LVRN: variants seen among roughly 807,000 people sequenced by gnomAD.
LVRN encodes the protein aminopeptidase Q.
In LVRN, 99 loss-of-function variants were observed where a neutral mutation model predicts 111.4. That is an observed-to-expected ratio of 0.89 (90% CI 0.76 to 1.05). The LOEUF (loss-of-function observed/expected upper bound fraction) is 1.05, where lower values mean the gene tolerates loss of function less well. Ranked by LOEUF, LVRN falls within the 50% of genes least tolerant of loss-of-function variation. The pLI is 0.00. For synonymous variants in LVRN, 488 were observed against 449.5 expected (o/e 1.09, Z -1.08); for missense variants, 1,414 against 1,206.8 (o/e 1.17, Z -2.54).
chr5:115,980,009 A>C (rs567531549), intron 1 of LVRN, among the ~76,000 whole-genome samples: 15 of 152,262 alleles, frequency 9.9e-5, no homozygotes, highest in African/African-American at 3.6e-4. Context: ...ATCCACTTCC[A>C]GCACAAGAAA....
chr5:115,973,601 G>T (rs1457840701), intron 1 of LVRN, among the ~76,000 whole-genome samples: 2 of 152,116 alleles, frequency 1.3e-5, no homozygotes, highest in African/African-American at 4.8e-5. Context: ...GGGCTATTTA[G>T]GTTATCTATT....
chr5:115,972,732 GT>G (rs937623095), intron 1 of LVRN, among the ~76,000 whole-genome samples: 1 of 151,412 alleles, frequency 6.6e-6, no homozygotes, highest in Non-Finnish European at 1.5e-5. Context: ...TTCCTATAAG[GT>G]TTTTTTTGGT....
At chr5:115,982,685 C>G (rs758441616) in intron 1 of LVRN, among the ~76,000 whole-genome samples, 4 of 152,032 alleles carry the variant, frequency 2.6e-5, no homozygotes, top group African/African-American at 9.7e-5. Flanking sequence ...TAATGTCACT[C>G]TTTGTATTTT....
In LVRN at chr5:116,027,603, C is replaced by T. The variant is rs1294253911; in HGVS notation, c.*1485C>T. ...CAGCAATAAAATATCTGCATGCCTACAAAGTGTTGTAGCTGAGATACCTTC... is the reference window on the plus strand; with the variant it reads ...CAGCAATAAAATATCTGCATGCCTATAAAGTGTTGTAGCTGAGATACCTTC... On this transcript the variant is annotated 3_prime_UTR_variant, in exon 20 of 20. Coordinates refer to ENST00000357872, the MANE Select transcript of LVRN (RefSeq NM_173800.5). 6.6e-6 allele frequency: 1 copy of T among 152,148 alleles called. No individual in the cohort carries two copies. The highest frequency in any genetic ancestry group is 1.5e-5 in the Non-Finnish European group (1 of 68,026). The allele number at this position is 152,148 out of a possible 1,614,324, so 9.4% of individuals were successfully genotyped here.
Position 115,966,863 on chromosome 5 carries a change from T to C in LVRN, c.695+3551T>C, listed in dbSNP as rs562125815. Among the ~76,000 whole-genome samples, 149 of 152,344 alleles carry C rather than the reference T, an allele frequency of 9.8e-4. 3 individuals carry two copies. In the South Asian group the frequency reaches 0.018, roughly 19 times the overall value. ...CTGATAGGTGTATGGTAATATCTCA[T>C]TGTGGTTTTAATTTGCATGTCTCCA... On this transcript the variant is annotated intron_variant, in intron 1 of 19. Transcript: ENST00000357872.
chr5:116,018,078 T>C (rs767503015), intron 18 of LVRN, among the ~76,000 whole-genome samples: 116 of 152,072 alleles, frequency 7.6e-4, no homozygotes, highest in Admixed American at 3.9e-3. Context: ...CTGGGCAATA[T>C]AGAAAGACTC....
In LVRN at chr5:115,975,196, C is replaced by T. The variant is rs111780284; in HGVS notation, c.696-8091C>T. ...GGTCATAATATTCTGCCTGTCTGGGCGCACATCTAACAAAATCTTCATTAT... is the reference window on the plus strand; with the variant it reads ...GGTCATAATATTCTGCCTGTCTGGGTGCACATCTAACAAAATCTTCATTAT... On this transcript the variant is annotated intron_variant, in intron 1 of 19. Coordinates refer to ENST00000357872, the MANE Select transcript of LVRN (RefSeq NM_173800.5). The T allele has an allele frequency of 1.1e-3, 507 of 479,352 alleles. 1 individual carries two copies. The highest frequency in any genetic ancestry group is 8.4e-3 in the East Asian group (144 of 17,174). The allele number at this position is 479,352 out of a possible 1,614,324, so 29.7% of individuals were successfully genotyped here. A position where few individuals can be genotyped will look rare whatever the true frequency, so the allele number is the denominator to read the frequency against.
At chr5:115,963,384 T>C in intron 1 of LVRN, 72 bp downstream of exon 1, 1 of 1,284,832 alleles carries the variant, frequency 7.8e-7, no homozygotes, top group South Asian at 1.5e-5. Context: ...CGGGTCCAGC[T>C]GACTACCGTG....
At chr5:115,966,667 A>T (rs1753209748) in intron 1 of LVRN, among the ~76,000 whole-genome samples, 1 of 152,200 alleles carries the variant, frequency 6.6e-6, no homozygotes, top group Admixed American at 6.5e-5. Context: ...ACAAATGTTC[A>T]CAAGTGTCAT....
rs537851794 is a variant in LVRN, at chr5:116,013,058, G to T, written c.2342+590G>T. On this transcript the variant is annotated intron_variant, in intron 15 of 19. Transcript: ENST00000357872. ...GTGGTAGTATTTCTGTCTTCCCTGT[G>T]CCCTAAGTTTTGTGTGTAGGATGGT... 4.6e-5 allele frequency among the ~76,000 whole-genome samples: 7 copies of T among 152,200 alleles called. No individual in the cohort carries two copies. The East Asian group carries it at 1.4e-3, about 29-fold the overall frequency.
chr5:115,992,362 C>T (rs762770680), intron 5 of LVRN, 85 bp downstream of exon 5: 22 of 1,426,526 alleles, frequency 1.5e-5, no homozygotes, highest in Middle Eastern at 1.7e-4. Context: ...CCAGTAAGAC[C>T]CTGCCATATA....
Position 115,987,885 on chromosome 5 carries a change from A to G in LVRN, c.1051A>G (p.Ile351Val), listed in dbSNP as rs771816192. 1.2e-5 allele frequency: 19 copies of G among 1,613,318 alleles called. No homozygotes were observed. Among genetic ancestry groups the G allele is most frequent in the Non-Finnish European group, 1.6e-5 (19 of 1,179,656 alleles). Reference sequence around the variant, plus strand: ...CTTTGCTTTGAACATCACAGGTCCCATCTTCTCTTTTCTGGAGGATTTGTT... The same window carrying G: ...CTTTGCTTTGAACATCACAGGTCCCGTCTTCTCTTTTCTGGAGGATTTGTT... ...ADFALNITGPIFSFLEDLFNI... is the reference protein window; with the variant it reads ...ADFALNITGPVFSFLEDLFNI... Residue 351 changes from isoleucine (I) to valine (V), a missense_variant, in exon 4 of 20, where the codon ATC (isoleucine) becomes GTC (valine). Transcript: ENST00000357872.
At chr5:115,997,329 C>A (rs569219327) in intron 6 of LVRN, among the ~76,000 whole-genome samples, 1 of 152,180 alleles carries the variant, frequency 6.6e-6, no homozygotes, top group African/African-American at 2.4e-5. Context: ...ATATTCTATA[C>A]CAATTTATTA....
Position 116,015,261 on chromosome 5 carries a change from T to C in LVRN, c.2460T>C (p.Tyr820=). ...WVDHPENEIP[Y]PIKDVVLCYG... is the part of the protein sequence containing the mutation. Reference sequence around the variant, plus strand: ...ATGTTATATTTTACAGAATACCTTATCCAATTAAAGATGTGGTTTTATGTT... The same window carrying C: ...ATGTTATATTTTACAGAATACCTTACCCAATTAAAGATGTGGTTTTATGTT... The change falls in exon 17 of 20, where the codon TAT becomes TAC. Residue 820 remains tyrosine (Y), a synonymous_variant. Coordinates refer to ENST00000357872, the MANE Select transcript of LVRN (RefSeq NM_173800.5). 3.8e-6 allele frequency: 6 copies of C among 1,594,440 alleles called. No homozygotes were observed. The highest frequency in any genetic ancestry group is 5.1e-6 in the Non-Finnish European group (6 of 1,171,756).
chr5:115,972,283 G>A (rs576039865), intron 1 of LVRN, among the ~76,000 whole-genome samples: 1 of 151,826 alleles, frequency 6.6e-6, no homozygotes, highest in African/African-American at 2.4e-5. Context: ...TATGAATTCA[G>A]GTTTTATATG....
In LVRN at chr5:115,963,303, G is replaced by A; in HGVS notation, c.686G>A (p.Gly229Asp). The change falls in exon 1 of 20, where the codon GGC (glycine) becomes GAC (aspartate). Residue 229 changes from glycine to aspartate, a missense_variant. By Grantham distance (94) the Gly-to-Asp change is moderately conservative (BLOSUM62 -1). Transcript: ENST00000357872. The stretch of plus-strand genomic sequence containing the variant: ...TTCCTCAACGTCTACACCGACCAGG[G>A]CGAGCGCAGGTAAGGGCTGTACAGC... ...GLFLNVYTDQGERRALLASQL... is the reference protein window; with the variant it reads ...GLFLNVYTDQDERRALLASQL... The A allele has an allele frequency of 1.9e-6, 3 of 1,608,122 alleles. No individual in the cohort carries two copies. The highest frequency in any genetic ancestry group is 1.3e-5 in the African/African-American group (1 of 74,962).
intron 1 of LVRN, chr5:115,974,594 T>C (rs1283561733): frequency 6.5e-6 from 1 of 153,012 alleles, no homozygotes; most frequent in African/African-American, 2.4e-5. Context: ...TAGCCATTGA[T>C]GCAAACTCCT....
rs1266427562 is a variant in LVRN, at chr5:115,962,607, C to A, written c.-11C>A. On this transcript the variant is annotated 5_prime_UTR_variant, in exon 1 of 20. Coordinates refer to ENST00000357872, the MANE Select transcript of LVRN (RefSeq NM_173800.5). ...TGAGCTCCAGCCTCGCGCCTGAACC[C>A]GGTCCCTGCCATGGGGCCCCCTTCC... The A allele has an allele frequency of 6.3e-7, 1 of 1,587,412 alleles. No homozygotes were observed. The highest frequency in any genetic ancestry group is 8.6e-7 in the Non-Finnish European group (1 of 1,169,212).
At position 115,984,635 on chromosome 5, in the gene LVRN, C is replaced by T. The variant is rs1304546790; in HGVS notation, c.904C>T (p.His302Tyr). Residue 302 changes from histidine (H) to tyrosine (Y), a missense_variant, in exon 3 of 20, where the codon CAC becomes TAC. Transcript: ENST00000357872. ...WTVTTFSTTPHMPTYLVAFVI... is the reference protein window; with the variant it reads ...WTVTTFSTTPYMPTYLVAFVI... ...TGTTACAACCTTTTCCACTACGCCC[C>T]ACATGCCAACTTACTTAGTCGCATT... 6.2e-7 allele frequency: 1 copy of T among 1,613,720 alleles called. No homozygotes were observed. Among genetic ancestry groups the T allele is most frequent in the Admixed American group, 1.7e-5 (1 of 59,938 alleles).
Sources: allele counts gnomAD v4.1 joint callset (sites outside exome capture counted in the v4.1 genomes callset), GRCh38; gene constraint gnomAD v4.1.1; transcripts MANE v1.5; gene names NCBI Gene and HGNC (gene_info 2026-07-23, HGNC 2026-07-21).